The following RRAGD variants were observed in gnomAD, a reference collection of about 807,000 sequenced individuals.
The protein encoded by RRAGD is Ras related GTP binding D.
In RRAGD, 12 loss-of-function variants were observed where a neutral mutation model predicts 35.5. That is an observed-to-expected ratio of 0.34 (90% CI 0.22 to 0.55). The LOEUF (loss-of-function observed/expected upper bound fraction) is 0.55, where lower values mean the gene tolerates loss of function less well. Among genes scored for constraint, RRAGD ranks in the 20% least tolerant of loss-of-function variants. The pLI is 0.91. For missense variants in RRAGD, 324 were observed against 490.1 expected (o/e 0.66, Z 3.20); for synonymous variants, 155 against 178.9 (o/e 0.87, Z 1.07).
Position 89,367,820 on chromosome 6 carries a change from A to G in RRAGD, c.*236T>C. On this transcript the variant is annotated 3_prime_UTR_variant, in exon 7 of 7. Coordinates refer to ENST00000369415, the MANE Select transcript of RRAGD (RefSeq NM_021244.5). ...TTGACTACAGACCATAAAAGTTTAC[A>G]TTTGTGTAATGAAATGACAATGGAT... The G allele has an allele frequency of 2.7e-6, 1 of 373,472 alleles. No homozygotes were observed. The highest frequency in any genetic ancestry group is 4.7e-6 in the Non-Finnish European group (1 of 211,118). 23.1% of individuals were successfully genotyped at this position (373,472 alleles called of 1,614,324 possible).
chr6:89,404,504 C>T (rs552761145), intron 1 of RRAGD, among the ~76,000 whole-genome samples: 26 of 152,298 alleles, frequency 1.7e-4, no homozygotes, highest in African/African-American at 6.0e-4. Flanking sequence ...CTCTCCTCCA[C>T]TTGGTGCTAT....
At position 89,368,135 on chromosome 6, in the gene RRAGD, A is replaced by G. The variant is rs775605498; in HGVS notation, c.1124T>C (p.Val375Ala). The G allele has an allele frequency of 1.2e-6, 2 of 1,613,860 alleles. No homozygotes were observed. The highest frequency in any genetic ancestry group is 2.2e-5 in the East Asian group (1 of 44,888). ...CCGATTCTGAACCTTTCGAGATTTT[A>G]CTACTTTCATTCTCACCTCAAAAAC... ...HEVFEVRMKV[V>A]KSRKVQNRLQ... The change falls in exon 7 of 7, where the codon GTA becomes GCA. Residue 375 changes from valine to alanine, a missense_variant. Physicochemically the swap from Val to Ala is moderately conservative, Grantham distance 64 (BLOSUM62 0). Around this residue, in one of 5 missense-constraint regions of RRAGD, gnomAD observed 68 missense variants for 76.8 expected, o/e 0.89. Transcript: ENST00000369415.
intron 1 of RRAGD, among the ~76,000 whole-genome samples, chr6:89,404,063 C>G (rs1769532907): frequency 6.6e-6 from 1 of 152,100 alleles, no homozygotes; most frequent in South Asian, 2.1e-4. Context: ...GAATAAAAAA[C>G]GGTTGTCATT....
In RRAGD at chr6:89,412,005, G is replaced by T; in HGVS notation, c.-12C>A. Reference sequence around the variant, plus strand: ...AGCACCTGGCTCATCGTGCCCACCGGCCGGCCGGCCCGGGGACGGCGGGGG... The same window carrying T: ...AGCACCTGGCTCATCGTGCCCACCGTCCGGCCGGCCCGGGGACGGCGGGGG... On this transcript the variant is annotated 5_prime_UTR_variant, in exon 1 of 7. Coordinates refer to ENST00000369415, the MANE Select transcript of RRAGD (RefSeq NM_021244.5). This position sits in a 1 kb window ranked among gnomAD's most constrained non-coding sequence, Gnocchi z 4.2. 2.0e-6 allele frequency: 3 copies of T among 1,522,102 alleles called. No homozygotes were observed. Among genetic ancestry groups the T allele is most frequent in the Non-Finnish European group, 2.6e-6 (3 of 1,139,662 alleles). 94.3% of individuals were successfully genotyped at this position (1,522,102 alleles called of 1,614,324 possible).
chr6:89,367,920 T>C lies in RRAGD; in HGVS notation c.*136A>G. On this transcript the variant is annotated 3_prime_UTR_variant, in exon 7 of 7. Coordinates refer to ENST00000369415, the MANE Select transcript of RRAGD (RefSeq NM_021244.5). ...TTTATAAAAGAGAAGATCAAGAGGG[T>C]TGCAGGAATTTTTTTTTTTTAACAA... 1.4e-6 allele frequency: 1 copy of C among 730,234 alleles called. No homozygotes were observed. The highest frequency in any genetic ancestry group is 2.7e-5 in the East Asian group (1 of 36,394). The allele number at this position is 730,234 out of a possible 1,614,324, so 45.2% of individuals were successfully genotyped here. A position where few individuals can be genotyped will look rare whatever the true frequency, so the allele number is the denominator to read the frequency against.
intron 5 of RRAGD, among the ~76,000 whole-genome samples, chr6:89,374,828 T>G (rs559937893): frequency 6.6e-6 from 1 of 152,184 alleles, no homozygotes; most frequent in Non-Finnish European, 1.5e-5. Context: ...AAAAACCTTT[T>G]AAGTGCTGGA....
intron 2 of RRAGD, among the ~76,000 whole-genome samples, chr6:89,381,211 A>C (rs1769036405): frequency 6.6e-6 from 1 of 152,196 alleles, no homozygotes; most frequent in Non-Finnish European, 1.5e-5. Context: ...ATATTGTCTA[A>C]GGCTGCTTTT....
At chr6:89,393,433 A>G (rs1282277028) in intron 1 of RRAGD, among the ~76,000 whole-genome samples, 1 of 152,156 alleles carries the variant, frequency 6.6e-6, no homozygotes, top group Non-Finnish European at 1.5e-5. Flanking sequence ...ACCATGGCCC[A>G]CTCACCCAAA....
At position 89,365,200 on chromosome 6, in the gene RRAGD, T is replaced by G. The variant is rs910603968; in HGVS notation, c.*2856A>C. The G allele has an allele frequency of 2.0e-5, 3 of 152,196 alleles. No homozygotes were observed. The highest frequency in any genetic ancestry group is 4.4e-5 in the Non-Finnish European group (3 of 68,044). The allele number at this position is 152,196 out of a possible 1,614,324, so 9.4% of individuals were successfully genotyped here. A position where few individuals can be genotyped will look rare whatever the true frequency, so the allele number is the denominator to read the frequency against. The stretch of plus-strand genomic sequence containing the variant: ...TTGCTTTATATTCCTTCAAAAACAT[T>G]CCACCCTGGTCATTCACACTAATCT... On this transcript the variant is annotated 3_prime_UTR_variant, in exon 7 of 7. Coordinates refer to ENST00000369415, the MANE Select transcript of RRAGD (RefSeq NM_021244.5).
At chr6:89,402,804 C>T (rs1769498741) in intron 1 of RRAGD, among the ~76,000 whole-genome samples, 3 of 152,182 alleles carry the variant, frequency 2.0e-5, no homozygotes, top group African/African-American at 7.2e-5. Context: ...TTCCCCCTGA[C>T]CTCGTTGGGT....
intron 1 of RRAGD, among the ~76,000 whole-genome samples, chr6:89,388,233 T>G (rs1221873884): frequency 6.6e-6 from 1 of 152,178 alleles, no homozygotes; most frequent in Non-Finnish European, 1.5e-5. Context: ...ATACAGCTAT[T>G]TAAATTAAAA....
At chr6:89,403,052 T>G (rs979582051) in intron 1 of RRAGD, among the ~76,000 whole-genome samples, 5 of 152,202 alleles carry the variant, frequency 3.3e-5, no homozygotes, top group African/African-American at 1.2e-4. Context: ...GCTCTAGGGA[T>G]CTGATATACA....
chr6:89,396,903 G>T (rs565392185), intron 1 of RRAGD, among the ~76,000 whole-genome samples: 1 of 150,720 alleles, frequency 6.6e-6, no homozygotes, highest in African/African-American at 2.4e-5. Context: ...CACCATGTTC[G>T]GCTAATTTTG....
chr6:89,410,892 T>C (rs1179946511), intron 1 of RRAGD, among the ~76,000 whole-genome samples: 7 of 152,232 alleles, frequency 4.6e-5, no homozygotes, highest in Non-Finnish European at 8.8e-5. Context: ...TTCCTTCTCT[T>C]GGATGCATAC....
chr6:89,392,620 C>T (rs183159035), intron 1 of RRAGD, among the ~76,000 whole-genome samples: 28 of 152,142 alleles, frequency 1.8e-4, no homozygotes, highest in African/African-American at 5.1e-4. Context: ...TGAAAAGTAA[C>T]GTTTTATTTC....
chr6:89,373,887 T>TA (rs1322849654), intron 5 of RRAGD, among the ~76,000 whole-genome samples: 1 of 152,214 alleles, frequency 6.6e-6, no homozygotes, highest in Non-Finnish European at 1.5e-5. Flanking sequence ...ATCATGGCTT[T>TA]AATGACTGAA....
chr6:89,410,266 GC>G (rs942920455), intron 1 of RRAGD, among the ~76,000 whole-genome samples: 1 of 151,804 alleles, frequency 6.6e-6, no homozygotes. Flanking sequence ...TGGCCCCTCC[GC>G]CCCCCCACTT....
At chr6:89,399,767 AT>A (rs71556518) in intron 1 of RRAGD, among the ~76,000 whole-genome samples, 1,411 of 130,770 alleles carry the variant, frequency 0.011, 9 homozygotes, top group Admixed American at 0.015. Context: ...ATGCCCAGCT[AT>A]TTTTTTTTTT....
intron 1 of RRAGD, among the ~76,000 whole-genome samples, chr6:89,396,902 C>T (rs1478366861): frequency 1.3e-5 from 2 of 150,798 alleles, no homozygotes; most frequent in Admixed American, 6.6e-5. Flanking sequence ...CCACCATGTT[C>T]GGCTAATTTT....
Sources: gnomAD v4.1 joint callset for allele counts (sites outside exome capture counted in the v4.1 genomes callset) on GRCh38, gnomAD v4.1.1 for gene constraint, gnomAD v4.1.1 regional missense constraint, Gnocchi (gnomAD v3.1) non-coding constraint, MANE v1.5 for transcripts, NCBI Gene and HGNC (gene_info 2026-07-23, HGNC 2026-07-21) for gene names.